KSR2: variants seen among roughly 807,000 people sequenced by gnomAD.
KSR2 encodes kinase suppressor of ras 2.
A neutral mutation model predicts 107.8 loss-of-function variants in KSR2; 25 were observed. That is an observed-to-expected ratio of 0.23 (90% confidence interval 0.17 to 0.32). The LOEUF is 0.32. Ranked by LOEUF, KSR2 falls within the 10% of genes least tolerant of loss-of-function variation. The pLI, the probability that KSR2 is intolerant of heterozygous loss-of-function variation, is 1.00. For missense variants in KSR2, 887 were observed against 1,268.9 expected, an observed-to-expected ratio of 0.70 and a Z score of 4.57; for synonymous variants, 480 against 507.0, an observed-to-expected ratio of 0.95 and a Z score of 0.71.
At chr12:117,568,884 T>G (rs972113698) in intron 7 of KSR2, among the ~76,000 whole-genome samples, 1 of 152,196 alleles carries the variant, frequency 6.6e-6, no homozygotes, top group African/African-American at 2.4e-5. Context: ...TTGCAAAAAC[T>G]GAAGTGTTTC....
At chr12:117,544,618 C>CAA (rs560933272) in intron 9 of KSR2, among the ~76,000 whole-genome samples, 2 of 124,370 alleles carry the variant, frequency 1.6e-5, no homozygotes, top group Non-Finnish European at 3.4e-5. Context: ...GACTCTGTCT[C>CAA]AAAAAAAAAA....
At chr12:117,596,002 C>T (rs963021140) in intron 5 of KSR2, among the ~76,000 whole-genome samples, 1 of 152,076 alleles carries the variant, frequency 6.6e-6, no homozygotes, top group Non-Finnish European at 1.5e-5. Flanking sequence ...GCCCCTGGAG[C>T]TTCTCCAGTT....
chr12:117,793,906 ACT>A (rs954540668), intron 3 of KSR2, among the ~76,000 whole-genome samples: 27 of 141,312 alleles, frequency 1.9e-4, no homozygotes, highest in Non-Finnish European at 4.0e-4. Flanking sequence ...CAACATGCAC[ACT>A]CACACCAACA....
intron 1 of KSR2, among the ~76,000 whole-genome samples, chr12:117,900,220 AGACTCATT>A (rs1894640976): frequency 6.6e-6 from 1 of 152,226 alleles, no homozygotes; most frequent in South Asian, 2.1e-4. Context: ...ACTTATCCAG[AGACTCATT>A]GACTGTTACT....
At chr12:117,833,465 AGATC>A (rs1240837742) in intron 3 of KSR2, among the ~76,000 whole-genome samples, 1 of 152,146 alleles carries the variant, frequency 6.6e-6, no homozygotes, top group African/African-American at 2.4e-5. Context: ...TAGGCTCAAG[AGATC>A]CTCCAGCCTT....
rs1892331897 is a variant in KSR2 at position 117,838,449 on chromosome 12, G to C, written c.472+16979C>G. 2.6e-5 allele frequency among the ~76,000 whole-genome samples: 4 copies of C among 152,204 alleles called. No individual in the cohort carries two copies. In the South Asian group the frequency reaches 8.3e-4, roughly 32 times the overall value. On this transcript the variant is annotated intron_variant, in intron 3 of 19. Coordinates refer to ENST00000339824, the MANE Select transcript of KSR2 (RefSeq NM_173598.6). Reference sequence around the variant, plus strand: ...CCCAAAGTGCTGGGATTACAGGTGTGAGCCACCATGCCCAGTCAGGACCAT... The same window carrying C: ...CCCAAAGTGCTGGGATTACAGGTGTCAGCCACCATGCCCAGTCAGGACCAT...
Position 117,498,033 on chromosome 12 carries a change from G to A in KSR2, c.2220-12342C>T, listed in dbSNP as rs1237831658. Among the ~76,000 whole-genome samples the A allele has an allele frequency of 2.6e-5, 4 of 152,184 alleles. No homozygotes were observed. In the East Asian group the frequency reaches 7.7e-4, roughly 29 times the overall value. On this transcript the variant is annotated intron_variant, in intron 14 of 19. Coordinates refer to ENST00000339824, the MANE Select transcript of KSR2 (RefSeq NM_173598.6). ...AGAACTTCTCGCACCATCTCCCCTA[G>A]TAGGAGAGACATGATTTACAAATGA...
At chr12:117,644,315 C>T (rs78376471) in intron 5 of KSR2, among the ~76,000 whole-genome samples, 5,315 of 152,196 alleles carry the variant, frequency 0.035, 305 homozygotes, top group African/African-American at 0.12. Flanking sequence ...GGCTTGGATA[C>T]GGTTTGAGAT....
intron 1 of KSR2, among the ~76,000 whole-genome samples, chr12:117,869,109 C>A (rs905270523): frequency 6.6e-6 from 1 of 151,792 alleles, no homozygotes; most frequent in Non-Finnish European, 1.5e-5. Flanking sequence ...CGGTGGCTCA[C>A]GCCTGTAATC....
In KSR2 at chr12:117,897,511, C is replaced by T. The variant is rs1566072560; in HGVS notation, c.181-37080G>A. 6.6e-6 allele frequency among the ~76,000 whole-genome samples: 1 copy of T among 152,122 alleles called. No homozygotes were observed. The highest frequency in any genetic ancestry group is 1.5e-5 in the Non-Finnish European group (1 of 68,024). On this transcript the variant is annotated intron_variant, in intron 1 of 19. Transcript: ENST00000339824. This position sits in a 1 kb window ranked among gnomAD's most constrained non-coding sequence, Gnocchi z 4.5. ...AAGCTTACTGGTGTCTCCTGTGATT[C>T]CCAGGAGAGGGGCCGCACTCTGTCT...
At chr12:117,568,979 G>A (rs942574383) in intron 7 of KSR2, among the ~76,000 whole-genome samples, 1 of 152,158 alleles carries the variant, frequency 6.6e-6, no homozygotes, top group Admixed American at 6.5e-5. Flanking sequence ...TATCCTGCCT[G>A]TTGTACAAAC....
chr12:117,497,062 G>A, intron 14 of KSR2, among the ~76,000 whole-genome samples: 1 of 151,776 alleles, frequency 6.6e-6, no homozygotes, highest in Admixed American at 6.6e-5. Context: ...ATTTTTAGTG[G>A]AGACAGGGTA....
intron 5 of KSR2, among the ~76,000 whole-genome samples, chr12:117,657,781 C>T (rs545198468): frequency 1.3e-4 from 20 of 152,300 alleles, no homozygotes; most frequent in South Asian, 1.2e-3. Flanking sequence ...CAAAAATGTT[C>T]GTTGCTATCT....
chr12:117,675,769 T>G (rs1375279360), intron 4 of KSR2, among the ~76,000 whole-genome samples: 1 of 152,160 alleles, frequency 6.6e-6, no homozygotes, highest in Non-Finnish European at 1.5e-5. Flanking sequence ...AGCATCTCAT[T>G]AACTGTGTCT....
At chr12:117,749,311 C>G (rs902841625) in intron 4 of KSR2, among the ~76,000 whole-genome samples, 1 of 151,366 alleles carries the variant, frequency 6.6e-6, no homozygotes, top group Non-Finnish European at 1.5e-5. Context: ...ACTGCTGGAG[C>G]ATCAATTCCT....
intron 4 of KSR2, among the ~76,000 whole-genome samples, chr12:117,731,284 C>T (rs1221689649): frequency 1.3e-5 from 2 of 150,842 alleles, no homozygotes; most frequent in East Asian, 2.0e-4. Context: ...GCCGCCCCGT[C>T]TGGGAAGTGA....
chr12:117,723,197 CCTT>C (rs1220339631), intron 4 of KSR2, among the ~76,000 whole-genome samples: 1 of 152,290 alleles, frequency 6.6e-6, no homozygotes, highest in Middle Eastern at 3.4e-3. Flanking sequence ...ACCAGGGAGA[CCTT>C]CTCTGCTTTA....
intron 4 of KSR2, among the ~76,000 whole-genome samples, chr12:117,733,735 C>T (rs550306548): frequency 6.6e-6 from 1 of 152,148 alleles, no homozygotes; most frequent in Non-Finnish European, 1.5e-5. Flanking sequence ...TACCCCAGCC[C>T]TTTCCCCTCT....
At chr12:117,800,661 C>T (rs1390800705) in intron 3 of KSR2, among the ~76,000 whole-genome samples, 4 of 152,110 alleles carry the variant, frequency 2.6e-5, no homozygotes, top group Admixed American at 2.0e-4. Flanking sequence ...TATACATGTG[C>T]CATGGTGGTC....
Sources: allele counts gnomAD v4.1 joint callset (sites outside exome capture counted in the v4.1 genomes callset), GRCh38; gene constraint gnomAD v4.1.1; non-coding constraint Gnocchi (gnomAD v3.1); transcripts MANE v1.5; gene names NCBI Gene and HGNC (gene_info 2026-07-23, HGNC 2026-07-21).